The following FUT8 variants were observed in gnomAD, a reference collection of about 807,000 sequenced individuals.
The protein encoded by FUT8 is fucosyltransferase 8.
In FUT8, 29 loss-of-function variants were observed where a neutral mutation model predicts 71.3. That is an observed-to-expected ratio of 0.41 (90% CI 0.30 to 0.55). The LOEUF (loss-of-function observed/expected upper bound fraction) is 0.55. FUT8 is among the 20% of genes least tolerant of loss of function. The pLI is 0.34. For missense variants in FUT8, 544 were observed against 702.1 expected (o/e 0.77, Z 2.55); for synonymous variants, 254 against 239.3 (o/e 1.06, Z -0.57).
intron 2 of FUT8, among the ~76,000 whole-genome samples, chr14:65,480,528 TG>T (rs2066314628): frequency 6.6e-6 from 1 of 151,932 alleles, no homozygotes; most frequent in Admixed American, 6.6e-5. Context: ...TTGCCCAGGC[TG>T]GTTTCAATCT....
chr14:65,474,381 T>C lies in FUT8; in HGVS notation c.-228+18663T>C, dbSNP rs1044256234. ...ACTTTGGGAGGCTGAGGCGGGCGGA[T>C]CACTTGAGGTCAGGAGTTCGGGACC... On this transcript the variant is annotated intron_variant, in intron 2 of 10. Coordinates refer to ENST00000673929, the MANE Select transcript of FUT8 (RefSeq NM_001371533.1). 5.7e-5 allele frequency among the ~76,000 whole-genome samples: 8 copies of C among 141,556 alleles called. No homozygotes were observed. The Admixed American group carries it at 6.1e-4, about 11-fold the overall frequency. The allele number at this position is 141,556 out of a possible 152,430, so 92.9% of individuals were successfully genotyped here. A position where few individuals can be genotyped will look rare whatever the true frequency, so the allele number is the denominator to read the frequency against.
intron 2 of FUT8, among the ~76,000 whole-genome samples, chr14:65,519,789 A>AT (rs1013458505): frequency 9.9e-5 from 15 of 151,900 alleles, no homozygotes; most frequent in Admixed American, 9.8e-4. Flanking sequence ...TTTTTAATAT[A>AT]TTTTTTTGAG....
intron 2 of FUT8, among the ~76,000 whole-genome samples, chr14:65,508,410 T>TG (rs199648758): frequency 2.8e-5 from 4 of 142,628 alleles, no homozygotes; most frequent in African/African-American, 1.1e-4. Context: ...TGTATGTCTG[T>TG]TTTTTTTTTG....
intron 2 of FUT8, among the ~76,000 whole-genome samples, chr14:65,470,119 AG>A (rs2066116618): frequency 6.6e-6 from 1 of 152,198 alleles, no homozygotes; most frequent in Non-Finnish European, 1.5e-5. Context: ...GAGGGGGCCT[AG>A]GCGGCAGGGC....
intron 2 of FUT8, among the ~76,000 whole-genome samples, chr14:65,479,372 G>A (rs55698845): frequency 6.6e-6 from 1 of 152,152 alleles, no homozygotes; most frequent in African/African-American, 2.4e-5. Context: ...CTGCAGAAAG[G>A]TTGTACCAAT....
chr14:65,724,254 T>C lies in FUT8; in HGVS notation c.1190T>C (p.Met397Thr), dbSNP rs766935854. Residue 397 changes from methionine to threonine, a missense_variant, in exon 9 of 11, where the codon ATG becomes ACG. Transcript: ENST00000673929. ...CATTTTCAGCTTCTTGCACGCAGAA[T>C]GCAAGTGGACAAAAAAAGAGTGTAT... ...EEHFQLLARR[M>T]QVDKKRVYLA... 7 of 1,613,298 alleles carry C rather than the reference T, an allele frequency of 4.3e-6. No homozygotes were observed. Among genetic ancestry groups the C allele is most frequent in the Non-Finnish European group, 5.9e-6 (7 of 1,179,870 alleles).
intron 2 of FUT8, among the ~76,000 whole-genome samples, chr14:65,553,903 G>A (rs1402733572): frequency 6.6e-6 from 1 of 150,568 alleles, no homozygotes; most frequent in Non-Finnish European, 1.5e-5. Flanking sequence ...TGCCCTACTA[G>A]CAATTCTCTG....
intron 3 of FUT8, among the ~76,000 whole-genome samples, chr14:65,581,440 C>T (rs537755434): frequency 8.5e-5 from 13 of 152,202 alleles, no homozygotes; most frequent in African/African-American, 3.1e-4. Flanking sequence ...TTAAGTATAG[C>T]ACATAATGCA....
At chr14:65,615,025 G>T (rs1436862998) in intron 3 of FUT8, among the ~76,000 whole-genome samples, 1 of 152,178 alleles carries the variant, frequency 6.6e-6, no homozygotes, top group African/African-American at 2.4e-5. Flanking sequence ...GCTGTTCTGT[G>T]TTCCAGCTTT....
Position 65,677,114 on chromosome 14 carries a change from TTGTGTG to T in FUT8, c.835+7667_835+7672del, listed in dbSNP as rs1555383258. 6.4e-3 allele frequency among the ~76,000 whole-genome samples: 709 copies of T among 110,256 alleles called. 5 individuals are homozygous for T. Among genetic ancestry groups the T allele is most frequent in the African/African-American group, 0.016 (500 of 30,372 alleles). 72.3% of individuals were successfully genotyped at this position (110,256 alleles called of 152,430 possible). On this transcript the variant is annotated intron_variant, in intron 7 of 10. Transcript: ENST00000673929. The stretch of plus-strand genomic sequence containing the variant: ...AGTTCCATTGGAAAGAAAGACATAT[TTGTGTG>T]TGTGTGTGTGTGTGTGTGTGTGTGT...
At chr14:65,495,317 A>G (rs1288134787) in intron 2 of FUT8, among the ~76,000 whole-genome samples, 1 of 152,178 alleles carries the variant, frequency 6.6e-6, no homozygotes, top group African/African-American at 2.4e-5. Context: ...CTGTTTTTAC[A>G]TATTAAATGA....
chr14:65,580,091 G>T (rs372522274), intron 3 of FUT8, among the ~76,000 whole-genome samples: 4 of 58,112 alleles, frequency 6.9e-5, no homozygotes, highest in African/African-American at 2.1e-4. Flanking sequence ...TATATATATA[G>T]TCATGCATTG....
intron 6 of FUT8, among the ~76,000 whole-genome samples, chr14:65,639,774 A>G (rs763895592): frequency 1.3e-5 from 2 of 152,224 alleles, no homozygotes; most frequent in Non-Finnish European, 2.9e-5. Context: ...CATCTGTACT[A>G]CCAGTGCTAC....
chr14:65,396,054 C>T, the FUT8 span, among the ~76,000 whole-genome samples: 2 of 152,210 alleles, frequency 1.3e-5, no homozygotes, highest in Non-Finnish European at 2.9e-5. This position sits in a 1 kb window ranked among gnomAD's most constrained non-coding sequence, Gnocchi z 5.5. Flanking sequence ...TTACTTCAGT[C>T]CCCACAAGTT....
At chr14:65,366,424 G>A in the FUT8 span, among the ~76,000 whole-genome samples, 5 of 152,120 alleles carry the variant, frequency 3.3e-5, no homozygotes, top group Admixed American at 6.5e-5. Flanking sequence ...GTTTTTCCCC[G>A]ATGGCTTCTG....
chr14:65,646,682 G>A (rs78455816), intron 6 of FUT8: 1 of 150,494 alleles, frequency 6.6e-6, no homozygotes, highest in Non-Finnish European at 1.5e-5. Flanking sequence ...TTTTTTTTTG[G>A]TCTCTGTTCA....
At chr14:65,507,144 G>T (rs1342243595) in intron 2 of FUT8, among the ~76,000 whole-genome samples, 3 of 152,184 alleles carry the variant, frequency 2.0e-5, no homozygotes, top group East Asian at 3.8e-4. Context: ...CACATCAAAG[G>T]TTAGTCTTAA....
intron 7 of FUT8, among the ~76,000 whole-genome samples, chr14:65,704,711 G>A (rs946188847): frequency 5.9e-5 from 9 of 152,142 alleles, no homozygotes; most frequent in African/African-American, 2.2e-4. Flanking sequence ...AAGTTAAATG[G>A]CTAAATTTGT....
At chr14:65,415,839 AC>A (rs2065212938) in intron 1 of FUT8, among the ~76,000 whole-genome samples, 3 of 152,318 alleles carry the variant, frequency 2.0e-5, no homozygotes, top group African/African-American at 7.2e-5. Flanking sequence ...GCCTTTGAAT[AC>A]GAAGCAGTTG....
Sources: allele counts gnomAD v4.1 joint callset (sites outside exome capture counted in the v4.1 genomes callset), GRCh38; gene constraint gnomAD v4.1.1; non-coding constraint Gnocchi (gnomAD v3.1); transcripts MANE v1.5; gene names NCBI Gene and HGNC (gene_info 2026-07-23, HGNC 2026-07-21).